CACNB4: variants seen among roughly 807,000 people sequenced by gnomAD.
The protein encoded by CACNB4 is calcium voltage-gated channel auxiliary subunit beta 4, also known as voltage-dependent L-type calcium channel subunit beta-4.
In CACNB4, 32 loss-of-function variants were observed where a neutral mutation model predicts 71.2. That is an observed-to-expected ratio of 0.45 (90% CI 0.34 to 0.60). CACNB4 has a LOEUF of 0.60. CACNB4 is among the 20% of genes least tolerant of loss of function. The pLI, the probability that CACNB4 is intolerant of heterozygous loss-of-function variation, is 0.01. For missense variants in CACNB4, 464 were observed against 647.9 expected (o/e 0.72, Z 3.08); for synonymous variants, 231 against 236.9 (o/e 0.97, Z 0.23).
intron 3 of CACNB4, among the ~76,000 whole-genome samples, chr2:151,881,557 C>G (rs150295440): frequency 1.6e-3 from 248 of 152,336 alleles, no homozygotes; most frequent in African/African-American, 5.7e-3. Flanking sequence ...TGTGGGGACA[C>G]GTAAACCACC....
Position 151,853,437 on chromosome 2 carries a change from A to G in CACNB4, c.1116+11T>C. Reference sequence around the variant, plus strand: ...TCAAGAATGATGAAGACAAAAAATGATCATACTTACTGGGGGGCATTGTGC... The same window carrying G: ...TCAAGAATGATGAAGACAAAAAATGGTCATACTTACTGGGGGGCATTGTGC... On this transcript the variant is annotated intron_variant, in intron 12 of 13. Transcript: ENST00000539935. 6.5e-7 allele frequency: 1 copy of G among 1,545,252 alleles called. No individual in the cohort carries two copies. Among genetic ancestry groups the G allele is most frequent in the East Asian group, 2.3e-5 (1 of 43,706 alleles).
In CACNB4 at chr2:151,837,739, C is replaced by T. The variant is rs1348728922; in HGVS notation, c.*1380G>A. The T allele has an allele frequency of 6.6e-6, 1 of 151,832 alleles. No homozygotes were observed. Among genetic ancestry groups the T allele is most frequent in the African/African-American group, 2.4e-5 (1 of 41,332 alleles). 9.4% of individuals were successfully genotyped at this position (151,832 alleles called of 1,614,324 possible). ...GTCACCAATTCCATAATTATAGCCA[C>T]TGGAAAAACTGTGAAGACTTAATAA... is the stretch of plus-strand genomic sequence containing the variant. On this transcript the variant is annotated 3_prime_UTR_variant, in exon 14 of 14. Transcript: ENST00000539935.
intron 2 of CACNB4, among the ~76,000 whole-genome samples, chr2:152,007,232 C>T (rs1682781010): frequency 6.6e-6 from 1 of 152,056 alleles, no homozygotes; most frequent in African/African-American, 2.4e-5. Context: ...GCATTTTAAC[C>T]ATCCGTAAGT....
At position 151,835,373 on chromosome 2, in the gene CACNB4, T is replaced by C. The variant is rs1325657966; in HGVS notation, c.*3746A>G. The C allele has an allele frequency of 6.6e-6, 1 of 151,942 alleles. No homozygotes were observed. Among genetic ancestry groups the C allele is most frequent in the African/African-American group, 2.4e-5 (1 of 41,442 alleles). 9.4% of individuals were successfully genotyped at this position (151,942 alleles called of 1,614,324 possible). ...AAGGCATATTTTAATAATCTATGTATTTAGCTTTGCAGCAAGGTTAGCCAG... is the reference window on the plus strand; with the variant it reads ...AAGGCATATTTTAATAATCTATGTACTTAGCTTTGCAGCAAGGTTAGCCAG... On this transcript the variant is annotated 3_prime_UTR_variant, in exon 14 of 14. Transcript: ENST00000539935.
chr2:152,064,183 A>C (rs1686170404), intron 2 of CACNB4, among the ~76,000 whole-genome samples: 1 of 152,154 alleles, frequency 6.6e-6, no homozygotes, highest in East Asian at 1.9e-4. Flanking sequence ...TAAAATTCAC[A>C]TTGTTGAAGT....
At chr2:152,048,960 G>C (rs542307487) in intron 2 of CACNB4, among the ~76,000 whole-genome samples, 1 of 152,274 alleles carries the variant, frequency 6.6e-6, no homozygotes, top group Non-Finnish European at 1.5e-5. Flanking sequence ...GCACAAGAGA[G>C]GGCATGAGCT....
intron 2 of CACNB4, among the ~76,000 whole-genome samples, chr2:151,946,070 T>C (rs2099865515): frequency 6.6e-6 from 1 of 152,128 alleles, no homozygotes; most frequent in African/African-American, 2.4e-5. Context: ...GGCTCACGGC[T>C]GTAATCCTAG....
At chr2:151,983,948 A>T (rs561912451) in intron 2 of CACNB4, among the ~76,000 whole-genome samples, 1 of 152,284 alleles carries the variant, frequency 6.6e-6, no homozygotes, top group South Asian at 2.1e-4. Context: ...TCTCTTTTAA[A>T]CTAAGAAAGG....
chr2:151,946,341 A>G (rs796805202), intron 2 of CACNB4, among the ~76,000 whole-genome samples: 50 of 151,804 alleles, frequency 3.3e-4, no homozygotes, highest in African/African-American at 1.1e-3. Flanking sequence ...AAAAAAAAAA[A>G]AGGCTCCCAA....
chr2:151,937,361 A>G (rs2099863169), intron 2 of CACNB4, among the ~76,000 whole-genome samples: 1 of 152,198 alleles, frequency 6.6e-6, no homozygotes, highest in Non-Finnish European at 1.5e-5. Context: ...ATGAAAATGC[A>G]AAGAACTCTG....
chr2:151,934,727 C>T (rs6731395), intron 2 of CACNB4, among the ~76,000 whole-genome samples: 9,847 of 152,166 alleles, frequency 0.065, 1,037 homozygotes, highest in African/African-American at 0.22. Flanking sequence ...GTCCCAGCTA[C>T]TTGGGAGGCT....
chr2:152,016,320 A>C (rs1683340791), intron 2 of CACNB4, among the ~76,000 whole-genome samples: 1 of 152,206 alleles, frequency 6.6e-6, no homozygotes, highest in South Asian at 2.1e-4. Flanking sequence ...CTACAGAAAG[A>C]ATGAAACTTG....
intron 12 of CACNB4, among the ~76,000 whole-genome samples, 181 bp from the exon 13 acceptor site, chr2:151,842,269 A>AC (rs1324921431): frequency 1.3e-5 from 2 of 151,452 alleles, no homozygotes. Flanking sequence ...TTATCCATGA[A>AC]CGAATGTAGA....
chr2:152,006,807 T>C (rs1395795215), intron 2 of CACNB4, among the ~76,000 whole-genome samples: 1 of 152,158 alleles, frequency 6.6e-6, no homozygotes, highest in Non-Finnish European at 1.5e-5. Context: ...AATATTTAAG[T>C]TCCCACCAGT....
intron 2 of CACNB4, among the ~76,000 whole-genome samples, chr2:151,899,657 C>T (rs779484565): frequency 2.6e-5 from 4 of 152,138 alleles, no homozygotes; most frequent in Admixed American, 6.5e-5. Flanking sequence ...GGTGAACTGT[C>T]GCTAGGTACT....
chr2:151,953,034 T>C (rs1305457018), intron 2 of CACNB4, among the ~76,000 whole-genome samples: 1 of 152,172 alleles, frequency 6.6e-6, no homozygotes, highest in Non-Finnish European at 1.5e-5. Context: ...AACTGAATAC[T>C]AGGTGGGGTA....
chr2:151,962,449 C>T (rs886900098), intron 2 of CACNB4, among the ~76,000 whole-genome samples: 3 of 151,850 alleles, frequency 2.0e-5, no homozygotes, highest in African/African-American at 7.3e-5. Flanking sequence ...TTTACAAATA[C>T]TGCTGTTCCT....
chr2:152,077,924 C>T (rs890281062), intron 2 of CACNB4, among the ~76,000 whole-genome samples: 9 of 152,112 alleles, frequency 5.9e-5, no homozygotes, highest in Non-Finnish European at 8.8e-5. Context: ...ATGGCCTGAT[C>T]TGATTTCCTT....
At chr2:152,067,337 G>T (rs1686394019) in intron 2 of CACNB4, among the ~76,000 whole-genome samples, 1 of 151,158 alleles carries the variant, frequency 6.6e-6, no homozygotes, top group African/African-American at 2.5e-5. Context: ...TCTCAGCAGT[G>T]GTCAGTTTGA....
Sources: gnomAD v4.1 joint callset for allele counts (sites outside exome capture counted in the v4.1 genomes callset) on GRCh38, gnomAD v4.1.1 for gene constraint, MANE v1.5 for transcripts, NCBI Gene and HGNC (gene_info 2026-07-23, HGNC 2026-07-21) for gene names.